FAM187A: variants seen among roughly 807,000 people sequenced by gnomAD.
FAM187A encodes family with sequence similarity 187 member A, also known as Ig-like V-type domain-containing protein FAM187A.
Under a neutral mutation model 6.4 loss-of-function variants are expected in FAM187A, and 4 were observed. The observed-to-expected ratio is 0.63, with a 90% CI of 0.31 to 1.44. The LOEUF (loss-of-function observed/expected upper bound fraction) is 1.44, where lower values mean the gene tolerates loss of function less well. Ranked by LOEUF, FAM187A falls within the 40% of genes most tolerant of loss-of-function variation. FAM187A has a pLI of 0.07. For synonymous variants in FAM187A, 221 were observed against 213.4 expected (o/e 1.04, Z -0.31); for missense variants, 463 against 542.2 (o/e 0.85, Z 1.45).
exon 4 of FAM187A, chr17:44,903,818 C>A: frequency 6.5e-7 from 1 of 1,545,732 alleles, no homozygotes; most frequent in South Asian, 1.2e-5. Flanking sequence ...CTGACCCCTG[C>A]CTCCTTCAGG....
exon 4 of FAM187A, chr17:44,904,827 G>A (rs549411808): frequency 2.6e-6 from 4 of 1,550,674 alleles, no homozygotes; most frequent in East Asian, 2.4e-5. Flanking sequence ...CTCCACATCC[G>A]CTTCACCCAG....
exon 4 of FAM187A, chr17:44,903,729 C>A: frequency 1.4e-6 from 2 of 1,448,200 alleles, no homozygotes; most frequent in Non-Finnish European, 1.8e-6. Flanking sequence ...ATAATCCTTT[C>A]CTCATCTAGA....
exon 4 of FAM187A, chr17:44,904,503 C>T: frequency 6.5e-7 from 1 of 1,549,384 alleles, no homozygotes; most frequent in Non-Finnish European, 8.7e-7. Context: ...AAGCTGCGGA[C>T]CAAGGCCAGG....
chr17:44,903,732 C>T, exon 4 of FAM187A: 2 of 1,451,488 alleles, frequency 1.4e-6, no homozygotes, highest in Non-Finnish European at 1.8e-6. Flanking sequence ...ATCCTTTCCT[C>T]ATCTAGAGGC....
exon 4 of FAM187A, chr17:44,904,285 C>T (rs765121945): frequency 6.5e-6 from 10 of 1,549,504 alleles, no homozygotes; most frequent in South Asian, 2.4e-5. Flanking sequence ...CTTTCCAGGA[C>T]AAGGGCCAGG....
Position 44,903,758 on chromosome 17 carries a change from C to G in FAM187A, c.-72C>G. 3.4e-6 allele frequency: 5 copies of G among 1,472,570 alleles called. No individual in the cohort carries two copies. The South Asian group carries it at 7.1e-5, about 21-fold the overall frequency. The allele number at this position is 1,472,570 out of a possible 1,614,324, so 91.2% of individuals were successfully genotyped here. A position where few individuals can be genotyped will look rare whatever the true frequency, so the allele number is the denominator to read the frequency against. On this transcript the variant is annotated 5_prime_UTR_variant, in exon 4 of 4. Transcript: ENST00000331733. ...ATCTAGAGGCTTCCGCTTAGCAGAGCTTTCTAGGAGCCCTATGAGCCTTTA... is the reference window on the plus strand; with the variant it reads ...ATCTAGAGGCTTCCGCTTAGCAGAGGTTTCTAGGAGCCCTATGAGCCTTTA...
exon 4 of FAM187A, chr17:44,905,315 T>C: frequency 1.9e-6 from 1 of 524,278 alleles, no homozygotes; most frequent in Non-Finnish European, 3.5e-6. Context: ...GTTTCCTGAC[T>C]TCACATTTAG....
exon 4 of FAM187A, chr17:44,903,499 C>T (rs748851972): frequency 9.4e-6 from 12 of 1,276,062 alleles, no homozygotes; most frequent in Non-Finnish European, 1.2e-5. Context: ...TGCCCGAGCA[C>T]CTCGGCCCGC....
exon 4 of FAM187A, chr17:44,904,484 G>A: frequency 6.5e-7 from 1 of 1,548,298 alleles, no homozygotes; most frequent in Non-Finnish European, 8.7e-7. Context: ...CTCAAGGGCT[G>A]TGCCAAGGAA....
At chr17:44,903,672 G>T (rs1350285834) in exon 4 of FAM187A, 6 of 1,435,392 alleles carry the variant, frequency 4.2e-6, no homozygotes, top group Non-Finnish European at 5.4e-6. Context: ...AAATTGCCTT[G>T]CACTTGGCGG....
At chr17:44,904,843 T>C (rs551532739) in exon 4 of FAM187A, 5 of 1,550,652 alleles carry the variant, frequency 3.2e-6, no homozygotes, top group East Asian at 2.4e-5. Context: ...CCCAGCTGGA[T>C]GACCGGGGCA....
At chr17:44,903,847 C>T in exon 4 of FAM187A, 1 of 1,546,446 alleles carries the variant, frequency 6.5e-7, no homozygotes, top group Non-Finnish European at 8.7e-7. Flanking sequence ...TGGCCCTCAC[C>T]ACTGTGCTCC....
exon 4 of FAM187A, chr17:44,903,522 G>A (rs1162483858): frequency 6.2e-6 from 8 of 1,284,478 alleles, no homozygotes; most frequent in Non-Finnish European, 7.8e-6. Flanking sequence ...TTCTCATTCC[G>A]GTTTCCTTTG....
At chr17:44,904,992 T>C in exon 4 of FAM187A, 1 of 1,550,826 alleles carries the variant, frequency 6.4e-7, no homozygotes. Flanking sequence ...TACCTGCTCA[T>C]CACAGCAGTC....
At chr17:44,904,682 C>G (rs1320995213) in exon 4 of FAM187A, 5 of 1,550,476 alleles carry the variant, frequency 3.2e-6, no homozygotes, top group Non-Finnish European at 4.4e-6. Flanking sequence ...GGGCCATGGA[C>G]TCATCATCTC....
chr17:44,904,033 A>G (rs1236366904), exon 4 of FAM187A: 1 of 1,550,644 alleles, frequency 6.4e-7, no homozygotes. Flanking sequence ...GGTTCTACCA[A>G]AAGCACCTAG....
Position 44,904,220 on chromosome 17 carries a change from G to A in FAM187A, c.391G>A (p.Asp131Asn), listed in dbSNP as rs1288521184. The A allele has an allele frequency of 3.2e-6, 5 of 1,550,468 alleles. No homozygotes were observed. The African/African-American group carries it at 6.8e-5, about 21-fold the overall frequency. ...GTACTTCTGCGGCACCCGCAAGGGG[G>A]ACTACTTTTACGCCTACGATGTGGA... The change falls in exon 4 of 4, where the codon GAC becomes AAC. Residue 131 changes from aspartate (D) to asparagine (N), a missense_variant. Coordinates refer to ENST00000331733, the Ensembl canonical transcript of FAM187A.
exon 4 of FAM187A, chr17:44,904,892 T>C (rs998781432): frequency 6.4e-7 from 1 of 1,550,598 alleles, no homozygotes; most frequent in Admixed American, 2.0e-5. Flanking sequence ...AGTTGCTGGC[T>C]TCCGGCTGGG....
chr17:44,903,603 C>T, exon 4 of FAM187A: 4 of 1,405,566 alleles, frequency 2.8e-6, no homozygotes, highest in Non-Finnish European at 3.7e-6. Context: ...GGCTTTCCCC[C>T]CCCACCCTGA....
Sources: allele counts gnomAD v4.1 joint callset, GRCh38; gene constraint gnomAD v4.1.1; transcripts MANE v1.5; gene names NCBI Gene and HGNC (gene_info 2026-07-23, HGNC 2026-07-21).